The following CFAP299 variants were observed in gnomAD, a reference collection of about 807,000 sequenced individuals.
The protein encoded by CFAP299 is cilia- and flagella-associated protein 299.
CFAP299 carries 21 observed loss-of-function variants against 27.0 expected under a neutral mutation model. The ratio of observed to expected loss-of-function variants is 0.78; its 90% CI spans 0.55 to 1.12. The LOEUF (loss-of-function observed/expected upper bound fraction) is 1.12. Among genes scored for constraint, CFAP299 ranks in the 50% most tolerant of loss-of-function variants. The probability of loss-of-function intolerance (pLI) is 0.00; values close to 1 mark genes in which losing one functional copy is unlikely to be tolerated. For missense variants in CFAP299, 310 were observed against 276.6 expected (o/e 1.12, Z -0.86); for synonymous variants, 104 against 98.1 (o/e 1.06, Z -0.36).
chr4:80,605,987 A>G (rs185314796), intron 3 of CFAP299, among the ~76,000 whole-genome samples: 1 of 152,298 alleles, frequency 6.6e-6, no homozygotes, highest in Admixed American at 6.5e-5. Context: ...CTCTTAGGGC[A>G]ATAGGGACCA....
chr4:80,797,766 C>G (rs1465910502), intron 3 of CFAP299, among the ~76,000 whole-genome samples: 1 of 152,124 alleles, frequency 6.6e-6, no homozygotes, highest in Non-Finnish European at 1.5e-5. Flanking sequence ...GCCTTCCCAG[C>G]TGGGATGAGC....
chr4:80,373,381 T>C (rs1318620513), intron 2 of CFAP299, among the ~76,000 whole-genome samples: 2 of 152,142 alleles, frequency 1.3e-5, no homozygotes, highest in African/African-American at 4.8e-5. Flanking sequence ...CCCATAGGTC[T>C]CTTTGGGGGA....
intron 2 of CFAP299, among the ~76,000 whole-genome samples, chr4:80,427,395 A>G (rs1192733918): frequency 1.3e-5 from 2 of 152,188 alleles, no homozygotes; most frequent in African/African-American, 4.8e-5. Flanking sequence ...AAATATTATT[A>G]TTGCTATGCA....
chr4:80,330,010 T>G, the CFAP299 span, among the ~76,000 whole-genome samples: 1 of 152,176 alleles, frequency 6.6e-6, no homozygotes, highest in African/African-American at 2.4e-5. Context: ...GAGTTTATTA[T>G]GTACCAGGAA....
chr4:80,704,718 C>G (rs1325548356), intron 3 of CFAP299, among the ~76,000 whole-genome samples: 1 of 151,568 alleles, frequency 6.6e-6, no homozygotes, highest in Non-Finnish European at 1.5e-5. Context: ...TATTGGTTAC[C>G]AAAACAATCT....
chr4:80,735,445 A>G (rs1203543836), intron 3 of CFAP299, among the ~76,000 whole-genome samples: 1 of 151,928 alleles, frequency 6.6e-6, no homozygotes, highest in Non-Finnish European at 1.5e-5. Flanking sequence ...CTTTCTTCTG[A>G]TTGCTCTAGC....
intron 3 of CFAP299, among the ~76,000 whole-genome samples, chr4:80,746,404 G>C (rs1188290653): frequency 6.6e-6 from 1 of 152,054 alleles, no homozygotes; most frequent in Non-Finnish European, 1.5e-5. Flanking sequence ...TCAGTGATTT[G>C]AGAAGTAAGC....
At chr4:80,474,514 G>A (rs1030100132) in intron 2 of CFAP299, among the ~76,000 whole-genome samples, 21 of 152,098 alleles carry the variant, frequency 1.4e-4, no homozygotes, top group African/African-American at 4.8e-4. Flanking sequence ...CCCCAGCTGG[G>A]ACTTTAAGAT....
chr4:80,859,111 A>G (rs1177642274), intron 3 of CFAP299, among the ~76,000 whole-genome samples: 5 of 152,178 alleles, frequency 3.3e-5, no homozygotes, highest in Non-Finnish European at 7.3e-5. Flanking sequence ...GGGTGCATAT[A>G]TATTTAGGAT....
At chr4:80,428,036 C>A (rs1727610122) in intron 2 of CFAP299, among the ~76,000 whole-genome samples, 2 of 152,078 alleles carry the variant, frequency 1.3e-5, no homozygotes, top group African/African-American at 4.8e-5. Context: ...TCTCAGGAGA[C>A]AATAAAGTTA....
chr4:80,643,953 T>C (rs749954644), intron 3 of CFAP299, among the ~76,000 whole-genome samples: 13 of 152,208 alleles, frequency 8.5e-5, no homozygotes, highest in Non-Finnish European at 1.9e-4. Flanking sequence ...ATATGAGATA[T>C]TGATTTCTAC....
intron 3 of CFAP299, among the ~76,000 whole-genome samples, chr4:80,765,267 C>T (rs1278961839): frequency 6.6e-6 from 1 of 152,094 alleles, no homozygotes; most frequent in African/African-American, 2.4e-5. Context: ...ACGTATTGTA[C>T]TCATGTCTTC....
intron 3 of CFAP299, among the ~76,000 whole-genome samples, chr4:80,621,711 AATATG>A (rs1435613845): frequency 3.3e-5 from 5 of 152,166 alleles, no homozygotes; most frequent in African/African-American, 4.8e-5. Flanking sequence ...TTATAAAAGT[AATATG>A]ATATAGTAAA....
intron 3 of CFAP299, among the ~76,000 whole-genome samples, chr4:80,664,458 G>A (rs1741036754): frequency 6.6e-6 from 1 of 152,138 alleles, no homozygotes; most frequent in African/African-American, 2.4e-5. Context: ...GGAATCTAGA[G>A]AGGCAGTGGC....
intron 3 of CFAP299, among the ~76,000 whole-genome samples, chr4:80,689,676 A>G (rs893090488): frequency 2.0e-5 from 3 of 152,212 alleles, no homozygotes; most frequent in African/African-American, 7.2e-5. Context: ...TGACAGGATC[A>G]AATTCACACA....
At chr4:80,963,438 C>T in intron 5 of CFAP299, 79 bp from the exon 6 acceptor site, 1 of 807,492 alleles carries the variant, frequency 1.2e-6, no homozygotes, top group Non-Finnish European at 1.8e-6. Flanking sequence ...CAATATAAAG[C>T]AAAAAAATAA....
rs371237824 is a variant in CFAP299 at position 80,390,204 on chromosome 4, G to A, written c.242+27320G>A. On this transcript the variant is annotated intron_variant, in intron 2 of 5. Transcript: ENST00000358105. Reference sequence around the variant, plus strand: ...TGTTATTAACTATAGTTGCTATTCCGTACATTGTATCTCCAGAGCTTACTC... The same window carrying A: ...TGTTATTAACTATAGTTGCTATTCCATACATTGTATCTCCAGAGCTTACTC... Among the ~76,000 whole-genome samples, 20 of 151,414 alleles carry A rather than the reference G, an allele frequency of 1.3e-4. No homozygotes were observed. In the East Asian group the frequency reaches 1.9e-3, roughly 15 times the overall value.
intron 3 of CFAP299, among the ~76,000 whole-genome samples, chr4:80,682,393 GA>G (rs1719898264): frequency 6.6e-6 from 1 of 151,966 alleles, no homozygotes; most frequent in South Asian, 2.1e-4. Context: ...GGGGGAAAGG[GA>G]AAAAATACTA....
intron 3 of CFAP299, among the ~76,000 whole-genome samples, chr4:80,671,987 C>T (rs188958823): frequency 6.6e-6 from 1 of 152,216 alleles, no homozygotes; most frequent in African/African-American, 2.4e-5. Context: ...TAATTGAGTA[C>T]CCTTTATTTC....
Sources: allele counts gnomAD v4.1 joint callset (sites outside exome capture counted in the v4.1 genomes callset), GRCh38; gene constraint gnomAD v4.1.1; transcripts MANE v1.5; gene names NCBI Gene and HGNC (gene_info 2026-07-23, HGNC 2026-07-21).